Variants in SENP1 observed in about 807,000 individuals in gnomAD.
The protein encoded by SENP1 is sentrin-specific protease 1.
Under a neutral mutation model 93.0 loss-of-function variants are expected in SENP1, and 21 were observed. The observed-to-expected ratio is 0.23, with a 90% CI of 0.16 to 0.33. SENP1 has a LOEUF of 0.33. SENP1 is among the 10% of genes least tolerant of loss of function. The pLI is 1.00. For synonymous variants in SENP1, 256 were observed against 259.6 expected, an observed-to-expected ratio of 0.99 and a Z score of 0.13; for missense variants, 591 against 758.7, an observed-to-expected ratio of 0.78 and a Z score of 2.60.
chr12:48,089,901 T>C (rs1040776047), intron 4 of SENP1, among the ~76,000 whole-genome samples: 6 of 152,238 alleles, frequency 3.9e-5, no homozygotes, highest in Admixed American at 3.9e-4. Flanking sequence ...TTTCGCAATA[T>C]TGTAAATTTA....
intron 13 of SENP1, among the ~76,000 whole-genome samples, chr12:48,057,149 T>C (rs1156276130): frequency 9.7e-6 from 1 of 103,392 alleles, no homozygotes; most frequent in African/African-American, 3.9e-5. Flanking sequence ...TTATTTAATA[T>C]ATTATATATT....
At chr12:48,104,902 G>A (rs943498154) in intron 1 of SENP1, among the ~76,000 whole-genome samples, 1 of 152,128 alleles carries the variant, frequency 6.6e-6, no homozygotes, top group East Asian at 1.9e-4. Flanking sequence ...TTCCTAAAAG[G>A]GACTAGAGAG....
rs1202866307 is a variant in SENP1, at chr12:48,065,068, T to C, written c.1272A>G (p.Thr424=). The change falls in exon 12 of 18, where the codon ACA becomes ACG. Residue 424 remains threonine (T), a synonymous_variant. Transcript: ENST00000549518. ...AAATTAAGTGTATGTAACTTACCTC[T>C]GTAATTTCAGGAAATTCATCTTCAC... ...TDSEDEFPEI[T]EEMEKEIKNV... 5 of 1,585,118 alleles carry C rather than the reference T, an allele frequency of 3.2e-6. No individual in the cohort carries two copies. The highest frequency in any genetic ancestry group is 3.3e-5 in the Admixed American group (2 of 59,844).
intron 13 of SENP1, among the ~76,000 whole-genome samples, chr12:48,054,026 G>A (rs1307288255): frequency 2.0e-5 from 3 of 152,262 alleles, no homozygotes; most frequent in Middle Eastern, 3.4e-3. Context: ...AGGGTCTTGG[G>A]GGGAAAATAA....
At chr12:48,076,017 T>C (rs994858139) in intron 6 of SENP1, among the ~76,000 whole-genome samples, 1 of 151,550 alleles carries the variant, frequency 6.6e-6, no homozygotes, top group Non-Finnish European at 1.5e-5. Flanking sequence ...ATCAGAAGAG[T>C]AGGAAGAAAT....
chr12:48,083,177 T>G (rs1040805072), intron 6 of SENP1, among the ~76,000 whole-genome samples: 1 of 152,176 alleles, frequency 6.6e-6, no homozygotes, highest in Non-Finnish European at 1.5e-5. Context: ...TGTGCTGGGA[T>G]CATAGGCATG....
At position 48,044,852 on chromosome 12, in the gene SENP1, G is replaced by A. The variant is rs1420083464; in HGVS notation, c.*470C>T. 6.3e-6 allele frequency: 1 copy of A among 159,600 alleles called. No individual in the cohort carries two copies. Among genetic ancestry groups the A allele is most frequent in the African/African-American group, 2.4e-5 (1 of 41,710 alleles). 9.9% of individuals were successfully genotyped at this position (159,600 alleles called of 1,614,324 possible). ...TACATCGTGAAAATTGTGTGTGTGT[G>A]TGTGTTTGTGTGTGTGGGTGTGTGT... On this transcript the variant is annotated 3_prime_UTR_variant, in exon 18 of 18. Transcript: ENST00000549518.
chr12:48,089,354 T>G, intron 4 of SENP1: 1 of 1,310,826 alleles, frequency 7.6e-7, no homozygotes, highest in Non-Finnish European at 9.9e-7. Context: ...GAATTGTAAT[T>G]CAAATGAACA....
At chr12:48,097,284 G>A (rs1034094447) in intron 3 of SENP1, among the ~76,000 whole-genome samples, 1 of 152,090 alleles carries the variant, frequency 6.6e-6, no homozygotes, top group African/African-American at 2.4e-5. Context: ...GTACATATCT[G>A]GAAATGTGTG....
At position 48,066,920 on chromosome 12, in the gene SENP1, A is replaced by T. The variant is rs779718075; in HGVS notation, c.1034+7T>A. 457 of 1,552,760 alleles carry T rather than the reference A, an allele frequency of 2.9e-4. 2 individuals carry two copies. The highest frequency in any genetic ancestry group is 2.0e-3 in the South Asian group (166 of 84,096). Reference sequence around the variant, plus strand: ...GAGAAGGAAAAATGATACCAAAAATAACTTACAATTCTTTGATCCACAGCT... The same window carrying T: ...GAGAAGGAAAAATGATACCAAAAATTACTTACAATTCTTTGATCCACAGCT... On this transcript the variant is annotated splice_region_variant and intron_variant, in intron 10 of 17. Coordinates refer to ENST00000549518, the MANE Select transcript of SENP1 (RefSeq NM_001267594.2).
At chr12:48,068,620 A>G (rs965525481) in intron 9 of SENP1, among the ~76,000 whole-genome samples, 15 of 152,158 alleles carry the variant, frequency 9.9e-5, no homozygotes, top group Non-Finnish European at 8.8e-5. Context: ...CGGGGGAGGA[A>G]TAAGTACTTG....
intron 4 of SENP1, among the ~76,000 whole-genome samples, 192 bp downstream of exon 4, chr12:48,096,151 G>A (rs1004275391): frequency 2.6e-5 from 4 of 152,178 alleles, no homozygotes; most frequent in Admixed American, 6.5e-5. Flanking sequence ...CCAGTATTTG[G>A]ATGAGACAAA....
intron 13 of SENP1, among the ~76,000 whole-genome samples, chr12:48,057,941 C>CTT (rs370210767): frequency 0.043 from 3,656 of 85,494 alleles, 281 homozygotes; most frequent in East Asian, 0.15. Context: ...TTTATTTCCT[C>CTT]TTTTTTTTTT....
chr12:48,046,661 A>G (rs1027355609), intron 16 of SENP1, among the ~76,000 whole-genome samples: 2 of 152,146 alleles, frequency 1.3e-5, no homozygotes, highest in African/African-American at 4.8e-5. Context: ...AAACAGGAGA[A>G]TATCTCCGAC....
chr12:48,083,611 G>A lies in SENP1; in HGVS notation c.532C>T (p.His178Tyr). 1 of 1,613,742 alleles carries A rather than the reference G, an allele frequency of 6.2e-7. No individual in the cohort carries two copies. Among genetic ancestry groups the A allele is most frequent in the Non-Finnish European group, 8.5e-7 (1 of 1,179,796 alleles). The change falls in exon 6 of 18, where the codon CAT becomes TAT. Residue 178 changes from histidine (H) to tyrosine (Y), a missense_variant. Around this residue, in one of 4 missense-constraint regions of SENP1, gnomAD observed 214 missense variants for 243.4 expected, o/e 0.88. Transcript: ENST00000549518. Reference sequence around the variant, plus strand: ...CTTACCTCTTCTGCTGTACTAACATGTCGCCTCTGAGTTTTCTTGGGGCTC... The same window carrying A: ...CTTACCTCTTCTGCTGTACTAACATATCGCCTCTGAGTTTTCTTGGGGCTC... ...LLSPKKTQRR[H>Y]VSTAEETVQE...
At chr12:48,105,579 A>T in intron 1 of SENP1, 1 of 483,808 alleles carries the variant, frequency 2.1e-6, no homozygotes, top group Non-Finnish European at 4.1e-6. Context: ...GTAGTCAAGA[A>T]ATATCACTCG....
intron 4 of SENP1, among the ~76,000 whole-genome samples, chr12:48,094,676 T>A (rs935377201): frequency 6.6e-6 from 1 of 151,832 alleles, no homozygotes; most frequent in Non-Finnish European, 1.5e-5. Context: ...CGAGACTCCA[T>A]CTCAAAAAAT....
chr12:48,083,646 C>T lies in SENP1; in HGVS notation c.497G>A (p.Arg166Gln), dbSNP rs760013799. 14 of 1,613,560 alleles carry T rather than the reference C, an allele frequency of 8.7e-6. No individual in the cohort carries two copies. The highest frequency in any genetic ancestry group is 1.2e-5 in the Non-Finnish European group (14 of 1,179,792). The change falls in exon 6 of 18, where the codon CGA (arginine) becomes CAA (glutamine). Residue 166 changes from arginine (R) to glutamine (Q), a missense_variant. Coordinates refer to ENST00000549518, the MANE Select transcript of SENP1 (RefSeq NM_001267594.2). The stretch of plus-strand genomic sequence containing the variant: ...AGTTTTCTTGGGGCTCAAAAGACTT[C>T]GACGACATGAACCACTCCAAGATGG... The part of the protein sequence containing the change: ...PSPSWSGSCR[R>Q]SLLSPKKTQR...
At chr12:48,076,896 C>T (rs544324474) in intron 6 of SENP1, among the ~76,000 whole-genome samples, 106 of 150,898 alleles carry the variant, frequency 7.0e-4, no homozygotes, top group Non-Finnish European at 1.1e-3. Flanking sequence ...CTGCCTGCCT[C>T]GGCCTCCCAA....
Sources: allele counts gnomAD v4.1 joint callset (sites outside exome capture counted in the v4.1 genomes callset), GRCh38; gene constraint gnomAD v4.1.1; regional missense constraint gnomAD v4.1.1; transcripts MANE v1.5; gene names NCBI Gene and HGNC (gene_info 2026-07-23, HGNC 2026-07-21).